The following NHSL1 variants were observed in gnomAD, a reference collection of about 807,000 sequenced individuals.
NHSL1 encodes NHS like 1, also known as NHS-like protein 1.
Under a neutral mutation model 95.0 loss-of-function variants are expected in NHSL1, and 48 were observed. The ratio of observed to expected loss-of-function variants is 0.51; its 90% CI spans 0.40 to 0.64. NHSL1 has a LOEUF of 0.64. Among genes scored for constraint, NHSL1 ranks in the 30% least tolerant of loss-of-function variants. The pLI, the probability that NHSL1 is intolerant of heterozygous loss-of-function variation, is 0.00. For synonymous variants in NHSL1, 783 were observed against 833.9 expected (o/e 0.94, Z 1.05); for missense variants, 1,971 against 2,077.7 (o/e 0.95, Z 1.00).
At chr6:138,691,967 A>G (rs771888918) in intron 1 of NHSL1, 5 of 456,630 alleles carry the variant, frequency 1.1e-5, no homozygotes, top group Non-Finnish European at 2.2e-5. Context: ...GTAAGAACAC[A>G]GGTAGGCGGC....
At chr6:138,501,226 T>C (rs1254177456), upstream of NHSL1, among the ~76,000 whole-genome samples, 1 of 152,190 alleles carries the variant, frequency 6.6e-6, no homozygotes, top group Non-Finnish European at 1.5e-5. Context: ...GGCATCTGAA[T>C]ATAGATTCGT....
intron 3 of NHSL1, among the ~76,000 whole-genome samples, chr6:138,452,390 CAGA>C (rs1426979732): frequency 2.6e-5 from 4 of 152,214 alleles, no homozygotes; most frequent in African/African-American, 7.2e-5. Flanking sequence ...CTCTCTTTCT[CAGA>C]AGAGCCAACT....
At chr6:138,480,346 G>A (rs1053230179) in intron 2 of NHSL1, among the ~76,000 whole-genome samples, 4 of 152,128 alleles carry the variant, frequency 2.6e-5, no homozygotes, top group African/African-American at 9.7e-5. Flanking sequence ...ATTTGGTTTC[G>A]GTTGCAGGAC....
intron 3 of NHSL1, among the ~76,000 whole-genome samples, chr6:138,471,732 TAA>T (rs1583247383): frequency 6.6e-6 from 1 of 152,066 alleles, no homozygotes; most frequent in East Asian, 1.9e-4. Flanking sequence ...TCAAAATAAC[TAA>T]GAGTGTAAAT....
Position 138,432,937 on chromosome 6 carries a change from G to C in NHSL1, c.1408C>G (p.His470Asp), listed in dbSNP as rs1467091197. The C allele has an allele frequency of 6.4e-7, 1 of 1,551,464 alleles. No homozygotes were observed. The highest frequency in any genetic ancestry group is 8.7e-7 in the Non-Finnish European group (1 of 1,146,772). The change falls in exon 6 of 8, where the codon CAC (histidine) becomes GAC (aspartate). Residue 470 changes from histidine to aspartate, a missense_variant. By Grantham distance (81) the His-to-Asp change is moderately conservative. This residue lies in a region of NHSL1 where 1,602 missense variants were observed against 1,654.5 expected (regional missense o/e 0.97). Transcript: ENST00000343505. The surrounding 1 kb of genome is among the most constrained non-coding windows in gnomAD (Gnocchi z 4.4). The part of the protein sequence containing the change: ...VKGDPQSPGR[H>D]WNEGHATILS... ...ATGGTGGCATGGCCCTCATTCCAGT[G>C]GCGACCGGGAGACTGAGGATCACCT...
At chr6:138,578,033 G>A (rs533917675) in intron 1 of NHSL1, among the ~76,000 whole-genome samples, 23 of 152,140 alleles carry the variant, frequency 1.5e-4, no homozygotes, top group Non-Finnish European at 2.8e-4. Context: ...CGCCGGCCCC[G>A]TTTTCAGGTT....
At chr6:138,525,199 A>G (rs1469611290) in intron 1 of NHSL1, among the ~76,000 whole-genome samples, 2 of 152,180 alleles carry the variant, frequency 1.3e-5, no homozygotes, top group African/African-American at 2.4e-5. Flanking sequence ...ATTGTGTCAT[A>G]CAGACAAAAA....
chr6:138,510,740 G>C (rs1781182306), intron 1 of NHSL1, among the ~76,000 whole-genome samples: 1 of 152,166 alleles, frequency 6.6e-6, no homozygotes, highest in African/African-American at 2.4e-5. Context: ...TTCGTTCACT[G>C]ATTTTTCTTT....
chr6:138,608,152 C>T (rs951798577), intron 1 of NHSL1, among the ~76,000 whole-genome samples: 3 of 152,166 alleles, frequency 2.0e-5, no homozygotes, highest in East Asian at 3.8e-4. Flanking sequence ...TTTTAGCTCG[C>T]GAGAGGATAA....
intron 1 of NHSL1, among the ~76,000 whole-genome samples, chr6:138,683,571 G>A (rs1785540339): frequency 6.6e-6 from 1 of 152,242 alleles, no homozygotes; most frequent in African/African-American, 2.4e-5. Flanking sequence ...AAGCCCAAAA[G>A]CCTTCTTGTT....
intron 1 of NHSL1, among the ~76,000 whole-genome samples, chr6:138,543,600 T>C (rs1782668148): frequency 6.6e-6 from 1 of 152,228 alleles, no homozygotes; most frequent in South Asian, 2.1e-4. Flanking sequence ...AAATCAATGC[T>C]AATCACAACC....
At chr6:138,686,810 C>A (rs1287816072) in intron 1 of NHSL1, among the ~76,000 whole-genome samples, 8 of 152,200 alleles carry the variant, frequency 5.3e-5, no homozygotes, top group Admixed American at 3.3e-4. Flanking sequence ...CAAAGGACAG[C>A]ATGGCATTGT....
chr6:138,585,736 G>A (rs1784125145), intron 1 of NHSL1, among the ~76,000 whole-genome samples: 1 of 152,026 alleles, frequency 6.6e-6, no homozygotes, highest in African/African-American at 2.4e-5. Context: ...TTAGTTAAAA[G>A]TGAGTTACAT....
chr6:138,671,572 G>T (rs1785371797), intron 1 of NHSL1, among the ~76,000 whole-genome samples: 1 of 152,088 alleles, frequency 6.6e-6, no homozygotes, highest in Non-Finnish European at 1.5e-5. Context: ...AGTGAAGGAG[G>T]TCACACAGAT....
At chr6:138,518,197 A>G (rs1333378593) in intron 1 of NHSL1, among the ~76,000 whole-genome samples, 1 of 152,210 alleles carries the variant, frequency 6.6e-6, no homozygotes, top group Non-Finnish European at 1.5e-5. Context: ...GTTATTTATT[A>G]ATACATCTGA....
chr6:138,575,056 C>T (rs1294234330), upstream of NHSL1, among the ~76,000 whole-genome samples: 1 of 152,036 alleles, frequency 6.6e-6, no homozygotes, highest in African/African-American at 2.4e-5. Flanking sequence ...TATGCCACCA[C>T]ACCCAGCTAA....
chr6:138,617,087 T>C (rs539177252), intron 1 of NHSL1, among the ~76,000 whole-genome samples: 4 of 152,210 alleles, frequency 2.6e-5, no homozygotes, highest in Non-Finnish European at 5.9e-5. Flanking sequence ...AATAAGCAAA[T>C]CATGAGCAAC....
Position 138,431,505 on chromosome 6 carries a change from G to A in NHSL1, c.2840C>T (p.Ser947Phe). Residue 947 changes from serine (S) to phenylalanine (F), a missense_variant, in exon 6 of 8, where the codon TCT becomes TTT. Coordinates refer to ENST00000343505, the MANE Select transcript of NHSL1 (RefSeq NM_001144060.2). This position sits in a 1 kb window ranked among gnomAD's most constrained non-coding sequence, Gnocchi z 4.0. Reference protein sequence around the residue: ...SPPFPCPADRSPFLPPPPPVT... With the variant: ...SPPFPCPADRFPFLPPPPPVT... ...AGGAGGTGGGGGAGGAAGGAAAGGA[G>A]ACCTGTCTGCAGGACAAGGGAATGG... 6.4e-7 allele frequency: 1 copy of A among 1,551,108 alleles called. No homozygotes were observed. The highest frequency in any genetic ancestry group is 1.2e-5 in the South Asian group (1 of 83,904).
chr6:138,655,722 C>G (rs1785147894), intron 1 of NHSL1, among the ~76,000 whole-genome samples: 1 of 152,060 alleles, frequency 6.6e-6, no homozygotes, highest in Non-Finnish European at 1.5e-5. Context: ...GAAGTACTAC[C>G]ACTTTGATGG....
Sources: allele counts gnomAD v4.1 joint callset (sites outside exome capture counted in the v4.1 genomes callset), GRCh38; gene constraint gnomAD v4.1.1; regional missense constraint gnomAD v4.1.1; non-coding constraint Gnocchi (gnomAD v3.1); transcripts MANE v1.5; gene names NCBI Gene and HGNC (gene_info 2026-07-23, HGNC 2026-07-21).